PLPP1: variants seen among roughly 807,000 people sequenced by gnomAD.
PLPP1 encodes the protein phospholipid phosphatase 1.
In PLPP1, 24 loss-of-function variants were observed where a neutral mutation model predicts 31.2. That is an observed-to-expected ratio of 0.77 (90% CI 0.56 to 1.08). The LOEUF is 1.08. PLPP1 is among the 50% of genes least tolerant of loss of function. The pLI is 0.00. For synonymous variants in PLPP1, 146 were observed against 126.3 expected (o/e 1.16, Z -1.05); for missense variants, 319 against 342.7 (o/e 0.93, Z 0.55).
chr5:55,449,971 AC>A (rs147098149), intron 3 of PLPP1, among the ~76,000 whole-genome samples: 8,181 of 152,222 alleles, frequency 0.054, 336 homozygotes, highest in Non-Finnish European at 0.08. Context: ...ATATAATATA[AC>A]AAAAAATTAT....
At chr5:55,474,190 T>C (rs1300537504) in intron 2 of PLPP1, among the ~76,000 whole-genome samples, 1 of 151,646 alleles carries the variant, frequency 6.6e-6, no homozygotes, top group Non-Finnish European at 1.5e-5. Context: ...AGAGACGGGG[T>C]TTCACCAGGT....
chr5:55,504,943 T>C (rs1020780447), intron 1 of PLPP1, among the ~76,000 whole-genome samples: 2 of 151,884 alleles, frequency 1.3e-5, no homozygotes, highest in African/African-American at 2.4e-5. Flanking sequence ...TCTGAGTAGC[T>C]TGAACTATAG....
At chr5:55,482,847 A>C (rs1561240921) in intron 1 of PLPP1, among the ~76,000 whole-genome samples, 1 of 152,228 alleles carries the variant, frequency 6.6e-6, no homozygotes, top group Non-Finnish European at 1.5e-5. Context: ...ATTTCTTATT[A>C]CCATTTAAGT....
At chr5:55,517,688 A>C (rs1753581658) in intron 1 of PLPP1, among the ~76,000 whole-genome samples, 2 of 152,320 alleles carry the variant, frequency 1.3e-5, no homozygotes, top group South Asian at 4.1e-4. Context: ...ACTTAATCCA[A>C]CTGAAAATAA....
chr5:55,494,818 A>G (rs1337742960), intron 1 of PLPP1, among the ~76,000 whole-genome samples: 1 of 152,078 alleles, frequency 6.6e-6, no homozygotes, highest in Non-Finnish European at 1.5e-5. Context: ...CCAGGCACAC[A>G]GATCTGAACA....
At chr5:55,533,456 A>G (rs1420726889) in intron 1 of PLPP1, among the ~76,000 whole-genome samples, 1 of 152,204 alleles carries the variant, frequency 6.6e-6, no homozygotes, top group Non-Finnish European at 1.5e-5. Context: ...AGAATTTATA[A>G]GAATTCCACA....
intron 1 of PLPP1, among the ~76,000 whole-genome samples, chr5:55,518,034 T>C (rs535551937): frequency 3.9e-5 from 6 of 152,066 alleles, no homozygotes; most frequent in Admixed American, 2.0e-4. Flanking sequence ...TTAGTAGAGA[T>C]AGGGTTTCAC....
chr5:55,516,697 A>G (rs1753560781), intron 1 of PLPP1, among the ~76,000 whole-genome samples: 1 of 152,264 alleles, frequency 6.6e-6, no homozygotes, highest in African/African-American at 2.4e-5. Context: ...GTATGCTTCC[A>G]ATGTCCATAC....
chr5:55,509,019 T>C (rs934635661), intron 1 of PLPP1: 4 of 152,534 alleles, frequency 2.6e-5, no homozygotes, highest in Non-Finnish European at 5.9e-5. Context: ...AATTTAAAAA[T>C]TGGTAACTGA....
At chr5:55,451,575 T>C (rs1247768021) in intron 3 of PLPP1, among the ~76,000 whole-genome samples, 3 of 152,018 alleles carry the variant, frequency 2.0e-5, no homozygotes, top group Non-Finnish European at 4.4e-5. Flanking sequence ...TTTTTTTCTT[T>C]TTTTGAGACA....
At chr5:55,510,362 CTGTT>C (rs904138772) in intron 1 of PLPP1, among the ~76,000 whole-genome samples, 29 of 152,264 alleles carry the variant, frequency 1.9e-4, no homozygotes, top group African/African-American at 7.0e-4. Flanking sequence ...GAACACATCA[CTGTT>C]TGCCAAAAGT....
chr5:55,520,524 T>C (rs763233205), intron 1 of PLPP1, among the ~76,000 whole-genome samples: 46 of 152,240 alleles, frequency 3.0e-4, no homozygotes, highest in Non-Finnish European at 5.6e-4. Flanking sequence ...CATTGTCTCA[T>C]GCATTATCTC....
intron 1 of PLPP1, among the ~76,000 whole-genome samples, chr5:55,527,204 G>A (rs1325160485): frequency 6.6e-6 from 1 of 152,144 alleles, no homozygotes; most frequent in East Asian, 1.9e-4. Flanking sequence ...GACCCAGATT[G>A]AGGCTTAACA....
At chr5:55,532,500 C>CT (rs1223306674) in intron 1 of PLPP1, among the ~76,000 whole-genome samples, 1 of 152,068 alleles carries the variant, frequency 6.6e-6, no homozygotes, top group Non-Finnish European at 1.5e-5. Context: ...TCTCCTTTCA[C>CT]TAAAATATAA....
chr5:55,524,686 T>C (rs1753743527), intron 1 of PLPP1, among the ~76,000 whole-genome samples: 1 of 152,110 alleles, frequency 6.6e-6, no homozygotes. Flanking sequence ...GGTGGGCACC[T>C]GTAATCCCAG....
At chr5:55,501,572 T>C (rs1753146635) in intron 1 of PLPP1, among the ~76,000 whole-genome samples, 1 of 152,176 alleles carries the variant, frequency 6.6e-6, no homozygotes, top group African/African-American at 2.4e-5. Context: ...TGGCGTGATC[T>C]TGGCTCACTG....
At chr5:55,531,336 T>A (rs1471043424) in intron 1 of PLPP1, among the ~76,000 whole-genome samples, 1 of 152,182 alleles carries the variant, frequency 6.6e-6, no homozygotes, top group Non-Finnish European at 1.5e-5. Context: ...AAAGATGACA[T>A]ACGGACAGAA....
In PLPP1 at chr5:55,534,492, CCGCTGCCCGTCGCGGCTCTG is replaced by C. The variant is rs1480824006; in HGVS notation, c.58+60_58+79del. 3.6e-6 allele frequency: 5 copies of C among 1,399,142 alleles called. No homozygotes were observed. In the African/African-American group the frequency reaches 6.0e-5, roughly 17 times the overall value. 86.7% of individuals were successfully genotyped at this position (1,399,142 alleles called of 1,614,324 possible). On this transcript the variant is annotated intron_variant, in intron 1 of 5. Coordinates refer to ENST00000307259, the MANE Select transcript of PLPP1 (RefSeq NM_003711.4). ...TGCGCACGCGTCAGGCAACACACCC[CCGCTGCCCGTCGCGGCTCTG>C]CGCTAAAGCCCTCCCGGGACAGCCG...
intron 2 of PLPP1, among the ~76,000 whole-genome samples, chr5:55,471,027 C>T (rs201327698): frequency 4.9e-4 from 74 of 152,280 alleles, no homozygotes; most frequent in East Asian, 1.4e-3. Context: ...TATGTTTCTA[C>T]ACTGTCCCTA....
Sources: allele counts gnomAD v4.1 joint callset (sites outside exome capture counted in the v4.1 genomes callset), GRCh38; gene constraint gnomAD v4.1.1; transcripts MANE v1.5; gene names NCBI Gene and HGNC (gene_info 2026-07-23, HGNC 2026-07-21).